Variants in IL31RA observed in about 807,000 individuals in gnomAD.
IL31RA encodes interleukin 31 receptor A.
IL31RA carries 66 observed loss-of-function variants against 83.7 expected under a neutral mutation model. The observed-to-expected ratio is 0.79, with a 90% CI of 0.65 to 0.97. The LOEUF (loss-of-function observed/expected upper bound fraction) is 0.97, where lower values mean the gene tolerates loss of function less well. Among genes scored for constraint, IL31RA ranks in the 50% least tolerant of loss-of-function variants. IL31RA has a pLI of 0.00. For synonymous variants in IL31RA, 325 were observed against 329.0 expected (o/e 0.99, Z 0.13); for missense variants, 798 against 919.4 (o/e 0.87, Z 1.71).
chr5:55,840,374 A>G, the IL31RA span, among the ~76,000 whole-genome samples: 3 of 152,328 alleles, frequency 2.0e-5, no homozygotes, highest in Non-Finnish European at 4.4e-5. Flanking sequence ...GAGAAGATGG[A>G]GTATCAAGGG....
chr5:55,906,685 G>A (rs532827226), intron 9 of IL31RA, among the ~76,000 whole-genome samples: 3 of 152,304 alleles, frequency 2.0e-5, no homozygotes, highest in Non-Finnish European at 2.9e-5. Flanking sequence ...TATAGGAATA[G>A]CCTTCTTTTC....
intron 4 of IL31RA, among the ~76,000 whole-genome samples, chr5:55,882,598 AAG>A (rs1489783559): frequency 1.3e-5 from 2 of 152,226 alleles, no homozygotes; most frequent in African/African-American, 4.8e-5. Context: ...CATATTTTCA[AAG>A]AGAGAAATTT....
rs1747896724 is a variant in IL31RA at position 55,890,143 on chromosome 5, A to G, written c.772+8A>G. 3 of 1,612,724 alleles carry G rather than the reference A, an allele frequency of 1.9e-6. No individual in the cohort carries two copies. The African/African-American group carries it at 4.0e-5, about 22-fold the overall frequency. On this transcript the variant is annotated splice_region_variant and intron_variant, in intron 6 of 14. Transcript: ENST00000652347. ...GAATGACTGAGGAAGAAGGCAAGCT[A>G]CTCCCTGCGATTCCCGTCCTGTCTG... is the stretch of plus-strand genomic sequence containing the variant.
At chr5:55,863,465 C>T (rs1745807829) in intron 2 of IL31RA, among the ~76,000 whole-genome samples, 1 of 152,212 alleles carries the variant, frequency 6.6e-6, no homozygotes, top group Admixed American at 6.5e-5. Flanking sequence ...TGTCAGCATC[C>T]GTTTTCAAGG....
At position 55,913,555 on chromosome 5, in the gene IL31RA, G is replaced by A. The variant is rs1221050311; in HGVS notation, c.1721G>A (p.Gly574Asp). The change falls in exon 13 of 15, where the codon GGT (glycine) becomes GAT (aspartate). Residue 574 changes from glycine (G) to aspartate (D), a missense_variant. Transcript: ENST00000652347. ...CTCATTATCCTGACAGTGGCATATG[G>A]TCTCAAAAAACCCAAGTGAGTCTGC... is the stretch of plus-strand genomic sequence containing the variant. ...LILIILTVAY[G>D]LKKPNKLTHL... 3.7e-6 allele frequency: 6 copies of A among 1,612,040 alleles called. No individual in the cohort carries two copies. The highest frequency in any genetic ancestry group is 4.2e-6 in the Non-Finnish European group (5 of 1,178,240).
intron 6 of IL31RA, among the ~76,000 whole-genome samples, chr5:55,891,724 T>C (rs1748004808): frequency 6.9e-6 from 1 of 143,920 alleles, no homozygotes; most frequent in South Asian, 2.2e-4. Context: ...TTTTACCATA[T>C]AAGGAAACAT....
intron 8 of IL31RA, among the ~76,000 whole-genome samples, chr5:55,901,463 G>A (rs948584906): frequency 2.0e-4 from 31 of 152,094 alleles, no homozygotes; most frequent in Non-Finnish European, 4.1e-4. Flanking sequence ...TAACTTCTCT[G>A]AAGATTAGCT....
intron 6 of IL31RA, among the ~76,000 whole-genome samples, chr5:55,891,862 G>A (rs1318682836): frequency 6.2e-5 from 8 of 128,262 alleles, no homozygotes; most frequent in Non-Finnish European, 1.3e-4. Flanking sequence ...CGCAAGCTCC[G>A]CCTCCCAGGT....
chr5:55,908,488 G>A (rs777434774), intron 11 of IL31RA, 77 bp downstream of exon 11: 3 of 1,613,520 alleles, frequency 1.9e-6, no homozygotes, highest in South Asian at 2.2e-5. Context: ...TTGTAGGCAT[G>A]GCTCCCCCAT....
In IL31RA at chr5:55,922,529, A is replaced by C. The variant is rs1211147086; in HGVS notation, c.*5409A>C. The C allele has an allele frequency of 1.0e-5, 11 of 1,051,972 alleles. No homozygotes were observed. The African/African-American group carries it at 1.7e-4, about 17-fold the overall frequency. 65.2% of individuals were successfully genotyped at this position (1,051,972 alleles called of 1,614,324 possible). A position where few individuals can be genotyped will look rare whatever the true frequency, so the allele number is the denominator to read the frequency against. On this transcript the variant is annotated 3_prime_UTR_variant, in exon 15 of 15. Coordinates refer to ENST00000652347, the MANE Select transcript of IL31RA (RefSeq NM_139017.7). ...CTAGGAAGACTGAATCTGTGGCCCC[A>C]AGAGAACCATCTCTGAAGACTGGGT...
chr5:55,889,200 C>T (rs1747826475), intron 5 of IL31RA, among the ~76,000 whole-genome samples: 1 of 152,078 alleles, frequency 6.6e-6, no homozygotes, highest in African/African-American at 2.4e-5. Context: ...TGACTGTGCT[C>T]AGAAAAGGAA....
intron 11 of IL31RA, chr5:55,908,688 T>C (rs552633830): frequency 6.8e-7 from 1 of 1,476,914 alleles, no homozygotes; most frequent in Admixed American, 2.3e-5. Context: ...TGAATTGACC[T>C]CCCGGGAGCT....
At chr5:55,840,700 T>C in the IL31RA span, among the ~76,000 whole-genome samples, 17 of 152,388 alleles carry the variant, frequency 1.1e-4, no homozygotes, top group East Asian at 1.9e-3. Context: ...TGCTGTCTTA[T>C]TCTGCTGGTG....
the IL31RA span, among the ~76,000 whole-genome samples, chr5:55,841,642 G>C: frequency 6.6e-6 from 1 of 152,062 alleles, no homozygotes; most frequent in Non-Finnish European, 1.5e-5. Context: ...CTAAAACAGG[G>C]CTGCCAGAAC....
At chr5:55,908,535 C>T (rs1580739911) in intron 11 of IL31RA, 124 bp downstream of exon 11, 2 of 1,592,150 alleles carry the variant, frequency 1.3e-6, no homozygotes, top group East Asian at 2.3e-5. Flanking sequence ...AATCACTTAG[C>T]TTCTTTAAAT....
At chr5:55,904,838 T>TC (rs1389260466) in intron 8 of IL31RA, among the ~76,000 whole-genome samples, 1 of 149,798 alleles carries the variant, frequency 6.7e-6, no homozygotes. Flanking sequence ...TGGGTTTCTT[T>TC]TTTTTTTTTT....
In IL31RA at chr5:55,918,233, G is replaced by A. The variant is rs954771258; in HGVS notation, c.*1113G>A. ...GCCACTAGGAGGCTGGTGAGATCAG[G>A]GCAGGCGAGGCAATGAGTGAGTGGC... On this transcript the variant is annotated 3_prime_UTR_variant, in exon 15 of 15. Transcript: ENST00000652347. Among the ~76,000 whole-genome samples the A allele has an allele frequency of 6.6e-6, 1 of 152,158 alleles. No homozygotes were observed. Among genetic ancestry groups the A allele is most frequent in the Non-Finnish European group, 1.5e-5 (1 of 68,026 alleles).
chr5:55,859,665 T>C, intron 2 of IL31RA, 66 bp downstream of exon 2: 1 of 1,158,204 alleles, frequency 8.6e-7, no homozygotes, highest in Non-Finnish European at 1.3e-6. Context: ...CAAGAGTTGT[T>C]AACTTTAAAG....
chr5:55,845,898 T>G, the IL31RA span, among the ~76,000 whole-genome samples: 13 of 152,344 alleles, frequency 8.5e-5, no homozygotes, highest in African/African-American at 3.1e-4. Flanking sequence ...ACCTGCTATT[T>G]TTCTCTAATC....
Sources: allele counts gnomAD v4.1 joint callset (sites outside exome capture counted in the v4.1 genomes callset), GRCh38; gene constraint gnomAD v4.1.1; transcripts MANE v1.5; gene names NCBI Gene and HGNC (gene_info 2026-07-23, HGNC 2026-07-21).